GABRG1: variants seen among roughly 807,000 people sequenced by gnomAD.
GABRG1 encodes gamma-aminobutyric acid type A receptor subunit gamma1.
In GABRG1, 49 loss-of-function variants were observed where a neutral mutation model predicts 49.8. That is an observed-to-expected ratio of 0.98 (90% CI 0.78 to 1.25). The LOEUF (loss-of-function observed/expected upper bound fraction) is 1.25, where lower values mean the gene tolerates loss of function less well. Ranked by LOEUF, GABRG1 falls within the 50% of genes most tolerant of loss-of-function variation. The pLI is 0.00. For missense variants in GABRG1, 552 were observed against 552.3 expected, an observed-to-expected ratio of 1.00 and a Z score of 0.01; for synonymous variants, 232 against 185.1, an observed-to-expected ratio of 1.25 and a Z score of -2.06.
chr4:46,060,430 G>T (rs1718630109), intron 5 of GABRG1, among the ~76,000 whole-genome samples: 1 of 152,114 alleles, frequency 6.6e-6, no homozygotes, highest in Admixed American at 6.5e-5. Context: ...ATGTCCTCAG[G>T]TCAAAATCGG....
At chr4:46,098,003 A>G (rs985890125) in intron 1 of GABRG1, among the ~76,000 whole-genome samples, 2 of 151,704 alleles carry the variant, frequency 1.3e-5, no homozygotes, top group African/African-American at 4.8e-5. Context: ...TAACTATCAC[A>G]TTTTACTAGA....
At chr4:46,061,639 G>T in intron 5 of GABRG1, among the ~76,000 whole-genome samples, 1 of 151,570 alleles carries the variant, frequency 6.6e-6, no homozygotes, top group East Asian at 1.9e-4. Flanking sequence ...CTCTGGAAAG[G>T]TTATAATTAT....
chr4:46,101,705 C>T (rs1157522073), intron 1 of GABRG1, among the ~76,000 whole-genome samples: 2 of 151,504 alleles, frequency 1.3e-5, no homozygotes, highest in Non-Finnish European at 3.0e-5. Flanking sequence ...ATGCTTATCA[C>T]GGTATTACCT....
intron 3 of GABRG1, 123 bp downstream of exon 3, chr4:46,083,863 G>A (rs1719660742): frequency 3.0e-6 from 2 of 676,934 alleles, no homozygotes; most frequent in East Asian, 2.8e-5. Flanking sequence ...CAAAGTAATT[G>A]TACATGTTGA....
intron 1 of GABRG1, among the ~76,000 whole-genome samples, chr4:46,111,504 T>A (rs1262290508): frequency 6.6e-6 from 1 of 151,094 alleles, no homozygotes; most frequent in African/African-American, 2.4e-5. Context: ...CTAAAATTCA[T>A]ATGGAACAAA....
intron 2 of GABRG1, among the ~76,000 whole-genome samples, chr4:46,084,980 TAAC>T (rs770061280): frequency 4.3e-4 from 65 of 151,704 alleles, no homozygotes; most frequent in Non-Finnish European, 7.5e-4. Context: ...GAAAGTCAAT[TAAC>T]AACGAGACAA....
intron 8 of GABRG1, among the ~76,000 whole-genome samples, chr4:46,041,500 G>A (rs1043266637): frequency 1.3e-5 from 2 of 151,780 alleles, no homozygotes; most frequent in Admixed American, 6.6e-5. Context: ...TATACATTTA[G>A]AAAGTTGACT....
intron 8 of GABRG1, among the ~76,000 whole-genome samples, chr4:46,048,696 G>A (rs926931429): frequency 2.7e-5 from 4 of 150,360 alleles, no homozygotes; most frequent in Non-Finnish European, 4.4e-5. Context: ...AAGGGAGAAA[G>A]GAAAAGCAAG....
chr4:46,075,305 T>G (rs190239702), intron 3 of GABRG1, among the ~76,000 whole-genome samples: 2 of 152,202 alleles, frequency 1.3e-5, no homozygotes, highest in South Asian at 4.1e-4. Context: ...CAAAATTCTT[T>G]TTGTTAATTT....
chr4:46,093,729 G>A (rs1462813386), intron 2 of GABRG1, among the ~76,000 whole-genome samples: 1 of 151,748 alleles, frequency 6.6e-6, no homozygotes, highest in African/African-American at 2.4e-5. Context: ...CATCCACTAT[G>A]TATCCATAAA....
intron 3 of GABRG1, among the ~76,000 whole-genome samples, chr4:46,083,402 G>A (rs1185118210): frequency 6.6e-6 from 1 of 151,442 alleles, no homozygotes; most frequent in Non-Finnish European, 1.5e-5. Context: ...CACTCCCCTG[G>A]TAAAATGTTT....
chr4:46,063,525 C>T (rs1216445220), intron 5 of GABRG1, among the ~76,000 whole-genome samples: 3 of 152,072 alleles, frequency 2.0e-5, no homozygotes. Context: ...ATACCTTATA[C>T]AAAAATTAAT....
intron 3 of GABRG1, among the ~76,000 whole-genome samples, chr4:46,070,754 T>C (rs1312669596): frequency 6.6e-6 from 1 of 152,054 alleles, no homozygotes; most frequent in Admixed American, 6.6e-5. Flanking sequence ...GGGAAGAGTT[T>C]ATGATTCAGT....
At chr4:46,098,676 A>G (rs1333652226) in intron 1 of GABRG1, among the ~76,000 whole-genome samples, 1 of 151,756 alleles carries the variant, frequency 6.6e-6, no homozygotes, top group Non-Finnish European at 1.5e-5. Context: ...CTTGAGAGAA[A>G]TATTACTGCT....
At chr4:46,076,777 T>C (rs987825902) in intron 3 of GABRG1, among the ~76,000 whole-genome samples, 26 of 151,806 alleles carry the variant, frequency 1.7e-4, no homozygotes, top group African/African-American at 5.8e-4. Context: ...CAAGACTGTT[T>C]GCCTTGAGGT....
chr4:46,109,120 G>T (rs1303344878), intron 1 of GABRG1, among the ~76,000 whole-genome samples: 1 of 150,836 alleles, frequency 6.6e-6, no homozygotes, highest in Non-Finnish European at 1.5e-5. Flanking sequence ...ATGCCTAGTA[G>T]AATTTGGCTG....
chr4:46,048,579 T>C (rs1000321682), intron 8 of GABRG1, among the ~76,000 whole-genome samples: 1 of 143,148 alleles, frequency 7.0e-6, no homozygotes, highest in Non-Finnish European at 1.5e-5. Flanking sequence ...TAAGTAACCT[T>C]CTTACTGGAA....
At chr4:46,058,422 A>C in intron 6 of GABRG1, 53 bp from the exon 7 acceptor site, 1 of 1,594,546 alleles carries the variant, frequency 6.3e-7, no homozygotes, top group South Asian at 1.1e-5. Context: ...CACAATCCAT[A>C]TATTTAAAAT....
intron 3 of GABRG1, among the ~76,000 whole-genome samples, chr4:46,065,816 G>A (rs1268862564): frequency 6.6e-6 from 1 of 151,944 alleles, no homozygotes; most frequent in Non-Finnish European, 1.5e-5. Context: ...TCCGCCTCCC[G>A]GGTTCACGCC....
Sources: allele counts gnomAD v4.1 joint callset (sites outside exome capture counted in the v4.1 genomes callset), GRCh38; gene constraint gnomAD v4.1.1; transcripts MANE v1.5; gene names NCBI Gene and HGNC (gene_info 2026-07-23, HGNC 2026-07-21).